TNFSF13B: variants seen among roughly 807,000 people sequenced by gnomAD.
The protein encoded by TNFSF13B is TNF superfamily member 13b.
TNFSF13B carries 8 observed loss-of-function variants against 29.1 expected under a neutral mutation model. The observed-to-expected ratio is 0.27, with a 90% CI of 0.16 to 0.50. The LOEUF (loss-of-function observed/expected upper bound fraction) is 0.50, where lower values mean the gene tolerates loss of function less well. Among genes scored for constraint, TNFSF13B ranks in the 20% least tolerant of loss-of-function variants. The pLI is 0.98. For synonymous variants in TNFSF13B, 125 were observed against 130.8 expected, an observed-to-expected ratio of 0.96 and a Z score of 0.30; for missense variants, 248 against 334.9, an observed-to-expected ratio of 0.74 and a Z score of 2.03.
At chr13:108,291,327 C>G (rs570547310) in intron 3 of TNFSF13B, among the ~76,000 whole-genome samples, 20 of 151,730 alleles carry the variant, frequency 1.3e-4, no homozygotes, top group African/African-American at 4.8e-4. Context: ...GAAAAATACC[C>G]TCATGATAAC....
intron 2 of TNFSF13B, among the ~76,000 whole-genome samples, chr13:108,282,793 C>A (rs193192627): frequency 6.6e-6 from 1 of 151,992 alleles, no homozygotes; most frequent in Non-Finnish European, 1.5e-5. Flanking sequence ...AAATGTGTCT[C>A]CATAGGCTCG....
intron 2 of TNFSF13B, among the ~76,000 whole-genome samples, chr13:108,278,682 T>TC (rs1880842286): frequency 2.5e-4 from 2 of 7,940 alleles, no homozygotes; most frequent in African/African-American, 4.5e-4. Context: ...CCTCTCCTCC[T>TC]TTCCTCCTCC....
intron 3 of TNFSF13B, among the ~76,000 whole-genome samples, chr13:108,295,435 C>T (rs1372111498): frequency 5.5e-5 from 8 of 145,306 alleles, no homozygotes; most frequent in African/African-American, 2.1e-4. Context: ...TCAAATGATT[C>T]ACCCGCCTTG....
In TNFSF13B at chr13:108,294,878, T is replaced by C. The variant is rs1016673852; in HGVS notation, c.481+8019T>C. On this transcript the variant is annotated intron_variant, in intron 3 of 5. Coordinates refer to ENST00000375887, the MANE Select transcript of TNFSF13B (RefSeq NM_006573.5). ...AGGGAAGACTTGGATTAATTAAAAC[T>C]CTACACTGGTTATAGGTCTGTTTAG... 6.9e-5 allele frequency among the ~76,000 whole-genome samples: 10 copies of C among 145,676 alleles called. 2 individuals are homozygous for C. Among genetic ancestry groups the C allele is most frequent in the Non-Finnish European group, 1.5e-4 (10 of 65,636 alleles).
In TNFSF13B at chr13:108,288,741, A is replaced by G. The variant is rs374870701; in HGVS notation, c.481+1882A>G. ...CCCAACAACCCACAAATGAACAAGT[A>G]AAATGTAGATGAGACGAAATGCTGT... On this transcript the variant is annotated intron_variant, in intron 3 of 5. Transcript: ENST00000375887. Among the ~76,000 whole-genome samples, 74 of 152,328 alleles carry G rather than the reference A, an allele frequency of 4.9e-4. No individual in the cohort carries two copies. In the South Asian group the frequency reaches 0.015, roughly 31 times the overall value.
chr13:108,271,286 T>A (rs1365384791), intron 2 of TNFSF13B, among the ~76,000 whole-genome samples: 1 of 152,170 alleles, frequency 6.6e-6, no homozygotes, highest in Non-Finnish European at 1.5e-5. Context: ...ATCGTACAGC[T>A]ATAGACCAGA....
intron 2 of TNFSF13B, among the ~76,000 whole-genome samples, chr13:108,282,009 G>A (rs149856369): frequency 5.9e-5 from 9 of 151,876 alleles, no homozygotes; most frequent in South Asian, 4.2e-4. Context: ...CATAACTTAC[G>A]TTTACCAAAT....
chr13:108,286,893 C>T (rs1881153768), intron 3 of TNFSF13B, 34 bp downstream of exon 3: 12 of 1,475,536 alleles, frequency 8.1e-6, no homozygotes, highest in Non-Finnish European at 1.1e-5. Flanking sequence ...GGAACCAAGC[C>T]AAATGTCCAT....
In TNFSF13B at chr13:108,307,512, A is replaced by C. The variant is rs1388531344; in HGVS notation, c.*574A>C. The C allele has an allele frequency of 3.3e-5, 5 of 152,180 alleles. No homozygotes were observed. The highest frequency in any genetic ancestry group is 6.6e-5 in the Admixed American group (1 of 15,250). 9.4% of individuals were successfully genotyped at this position (152,180 alleles called of 1,614,324 possible). On this transcript the variant is annotated 3_prime_UTR_variant, in exon 6 of 6. Transcript: ENST00000375887. ...ATTTAAATATGAAACAATTTTGCTG[A>C]AAATAGTATCCATATACTATTTAAG...
chr13:108,275,526 G>A (rs1362071949), intron 2 of TNFSF13B, among the ~76,000 whole-genome samples: 1 of 151,834 alleles, frequency 6.6e-6, no homozygotes, highest in Admixed American at 6.6e-5. Context: ...TAAAATAATA[G>A]TAAAAATATG....
chr13:108,281,788 T>C (rs1441447854), intron 2 of TNFSF13B, among the ~76,000 whole-genome samples: 2 of 152,234 alleles, frequency 1.3e-5, no homozygotes, highest in African/African-American at 4.8e-5. Flanking sequence ...GTCAACCTTA[T>C]AAACTAGCTT....
chr13:108,303,988 C>T (rs1881701464), intron 5 of TNFSF13B, among the ~76,000 whole-genome samples: 2 of 152,276 alleles, frequency 1.3e-5, no homozygotes, highest in South Asian at 2.1e-4. Flanking sequence ...AGAGTGATTA[C>T]CACTTGCCAG....
rs1373615043 is a variant in TNFSF13B at position 108,303,563 on chromosome 13, A to G, written c.704A>G (p.Asn235Ser). ...GTGACTTTGTTTCGATGTATTCAAA[A>G]TATGCCTGAAACACTACCCAATAAT... ...SLVTLFRCIQNMPETLPNNSC... is the reference protein window; with the variant it reads ...SLVTLFRCIQSMPETLPNNSC... Residue 235 changes from asparagine (N) to serine (S), a missense_variant, in exon 5 of 6, where the codon AAT (asparagine) becomes AGT (serine). Physicochemically the swap from Asn to Ser is conservative, Grantham distance 46. This residue lies in a region of TNFSF13B where 62 missense variants were observed against 138.6 expected (regional missense o/e 0.45). Coordinates refer to ENST00000375887, the MANE Select transcript of TNFSF13B (RefSeq NM_006573.5). 2.5e-6 allele frequency: 4 copies of G among 1,613,624 alleles called. No homozygotes were observed.
At chr13:108,281,442 C>T (rs1408442790) in intron 2 of TNFSF13B, among the ~76,000 whole-genome samples, 1 of 152,106 alleles carries the variant, frequency 6.6e-6, no homozygotes, top group South Asian at 2.1e-4. Flanking sequence ...CTATTGGTCA[C>T]GACTTCAATT....
chr13:108,298,158 T>G (rs1444531962), intron 3 of TNFSF13B, among the ~76,000 whole-genome samples: 1 of 145,502 alleles, frequency 6.9e-6, no homozygotes, highest in Non-Finnish European at 1.5e-5. Flanking sequence ...TCAATTGTAA[T>G]AAATGTATCA....
chr13:108,279,999 C>T lies in TNFSF13B; in HGVS notation c.425-6804C>T, dbSNP rs189522910. Among the ~76,000 whole-genome samples, 5 of 151,388 alleles carry T rather than the reference C, an allele frequency of 3.3e-5. No homozygotes were observed. The East Asian group carries it at 7.8e-4, about 24-fold the overall frequency. On this transcript the variant is annotated intron_variant, in intron 2 of 5. Transcript: ENST00000375887. ...TTAAAGTTGAAACTTTAATTCTGTC[C>T]GTGTGATGTTGAGTAATACCCATTT...
intron 3 of TNFSF13B, 54 bp from the exon 4 acceptor site, chr13:108,303,199 G>A: frequency 8.1e-7 from 1 of 1,227,630 alleles, no homozygotes. Context: ...CTAAATGGAG[G>A]TGAAAACTGC....
intron 3 of TNFSF13B, among the ~76,000 whole-genome samples, chr13:108,302,004 G>A (rs1881641040): frequency 6.6e-6 from 1 of 152,164 alleles, no homozygotes; most frequent in Non-Finnish European, 1.5e-5. Context: ...ATGTGAAGAA[G>A]GCATGTACAC....
At chr13:108,300,879 C>T (rs945108083) in intron 3 of TNFSF13B, among the ~76,000 whole-genome samples, 6 of 152,182 alleles carry the variant, frequency 3.9e-5, no homozygotes, top group African/African-American at 1.4e-4. Flanking sequence ...TCTTGATCCA[C>T]CCATAGATCC....
Sources: allele counts gnomAD v4.1 joint callset (sites outside exome capture counted in the v4.1 genomes callset), GRCh38; gene constraint gnomAD v4.1.1; regional missense constraint gnomAD v4.1.1; transcripts MANE v1.5; gene names NCBI Gene and HGNC (gene_info 2026-07-23, HGNC 2026-07-21).